The following CROT variants were observed in gnomAD, a reference collection of about 807,000 sequenced individuals.
CROT encodes carnitine O-octanoyltransferase, also known as peroxisomal carnitine O-octanoyltransferase.
CROT carries 84 observed loss-of-function variants against 89.2 expected under a neutral mutation model. That is an observed-to-expected ratio of 0.94 (90% CI 0.79 to 1.13). The LOEUF is 1.13. Ranked by LOEUF, CROT falls within the 50% of genes most tolerant of loss-of-function variation. The pLI is 0.00. For synonymous variants in CROT, 212 were observed against 239.5 expected (o/e 0.89, Z 1.06); for missense variants, 711 against 727.8 (o/e 0.98, Z 0.27).
chr7:87,346,769 C>T (rs998900557), intron 2 of CROT, among the ~76,000 whole-genome samples: 2 of 152,198 alleles, frequency 1.3e-5, no homozygotes, highest in Admixed American at 1.3e-4. Flanking sequence ...GTGTACTAGT[C>T]TTCTATTGCT....
intron 6 of CROT, among the ~76,000 whole-genome samples, chr7:87,366,715 T>C (rs922475739): frequency 1.3e-5 from 2 of 152,212 alleles, no homozygotes; most frequent in Non-Finnish European, 1.5e-5. Context: ...GGCATACACA[T>C]TCAAATCTTT....
In CROT at chr7:87,359,450, A is replaced by G. The variant is rs1283323745; in HGVS notation, c.240+120A>G. On this transcript the variant is annotated intron_variant, in intron 4 of 17. Coordinates refer to ENST00000331536, the MANE Select transcript of CROT (RefSeq NM_021151.4). ...TTACAGTTATTATTGTTATTTTCAT[A>G]ATCCAAAAGAAGGAATGAATCACTT... The G allele has an allele frequency of 2.1e-6, 3 of 1,428,958 alleles. No individual in the cohort carries two copies. In the African/African-American group the frequency reaches 4.4e-5, roughly 21 times the overall value. The allele number at this position is 1,428,958 out of a possible 1,614,324, so 88.5% of individuals were successfully genotyped here. A position where few individuals can be genotyped will look rare whatever the true frequency, so the allele number is the denominator to read the frequency against.
intron 3 of CROT, among the ~76,000 whole-genome samples, chr7:87,350,929 A>G (rs1361716829): frequency 1.3e-5 from 2 of 152,216 alleles, no homozygotes; most frequent in Non-Finnish European, 2.9e-5. Context: ...TTAGTTATCT[A>G]CAGAATAATT....
intron 7 of CROT, among the ~76,000 whole-genome samples, chr7:87,371,619 T>C (rs1806633585): frequency 6.6e-6 from 1 of 152,228 alleles, no homozygotes; most frequent in African/African-American, 2.4e-5. Context: ...CACAGTGGCA[T>C]TGTTTTTTCT....
intron 10 of CROT, among the ~76,000 whole-genome samples, chr7:87,379,167 T>C (rs189130918): frequency 6.6e-6 from 1 of 152,226 alleles, no homozygotes; most frequent in African/African-American, 2.4e-5. Flanking sequence ...CCCTTTGACC[T>C]GTCTGCTGCA....
At chr7:87,352,290 C>T (rs1485488314) in intron 3 of CROT, among the ~76,000 whole-genome samples, 1 of 152,058 alleles carries the variant, frequency 6.6e-6, no homozygotes. Flanking sequence ...TTATTTTGTC[C>T]AGTATTGATG....
chr7:87,387,367 A>T (rs1383090232), intron 13 of CROT, among the ~76,000 whole-genome samples: 1 of 150,216 alleles, frequency 6.7e-6, no homozygotes, highest in Non-Finnish European at 1.5e-5. Flanking sequence ...CTTGCTCTTT[A>T]TTTTCTAGTT....
Position 87,398,902 on chromosome 7 carries a change from T to C in CROT, c.*258T>C. 2.6e-6 allele frequency: 1 copy of C among 378,050 alleles called. No individual in the cohort carries two copies. Among genetic ancestry groups the C allele is most frequent in the South Asian group, 3.8e-5 (1 of 26,396 alleles). The allele number at this position is 378,050 out of a possible 1,614,324, so 23.4% of individuals were successfully genotyped here. ...TAGTGAATATAGAACTATGCAGTAT[T>C]TAAGCCTCAACAATCCAAATCTACA... is the stretch of plus-strand genomic sequence containing the variant. On this transcript the variant is annotated 3_prime_UTR_variant, in exon 18 of 18. Coordinates refer to ENST00000331536, the MANE Select transcript of CROT (RefSeq NM_021151.4).
intron 7 of CROT, 126 bp from the exon 8 acceptor site, chr7:87,375,506 A>G (rs927366884): frequency 1.6e-6 from 1 of 611,696 alleles, no homozygotes; most frequent in Non-Finnish European, 2.9e-6. Context: ...TATTGGCATC[A>G]TAAGTGGTTT....
chr7:87,348,204 ATTAT>A (rs1051562597), intron 2 of CROT, among the ~76,000 whole-genome samples: 7 of 151,630 alleles, frequency 4.6e-5, no homozygotes, highest in African/African-American at 1.5e-4. Flanking sequence ...AATATATTAC[ATTAT>A]TTAATATAAT....
chr7:87,392,015 A>G (rs1264405455), intron 14 of CROT, among the ~76,000 whole-genome samples: 3 of 152,180 alleles, frequency 2.0e-5, no homozygotes, highest in African/African-American at 7.2e-5. Context: ...AGAAATCCCA[A>G]GGTGCCTTTA....
intron 4 of CROT, among the ~76,000 whole-genome samples, chr7:87,360,380 G>T (rs976533128): frequency 2.6e-5 from 4 of 152,112 alleles, no homozygotes; most frequent in African/African-American, 9.7e-5. Context: ...TTGCTCTGTT[G>T]CCCAGGCTTA....
rs962449901 is a variant in CROT at position 87,368,751 on chromosome 7, A to C, written c.548-625A>C. Among the ~76,000 whole-genome samples, 5 of 152,204 alleles carry C rather than the reference A, an allele frequency of 3.3e-5. No homozygotes were observed. The East Asian group carries it at 9.6e-4, about 29-fold the overall frequency. On this transcript the variant is annotated intron_variant, in intron 6 of 17. Transcript: ENST00000331536. Reference sequence around the variant, plus strand: ...GAAGATCCTTGGCAAAAGGACAAGTACCTAAAGATGGGGTTATATCAGAAT... The same window carrying C: ...GAAGATCCTTGGCAAAAGGACAAGTCCCTAAAGATGGGGTTATATCAGAAT...
At position 87,393,063 on chromosome 7, in the gene CROT, G is replaced by A; in HGVS notation, c.1714G>A (p.Asp572Asn). The change falls in exon 17 of 18, where the codon GAC (aspartate) becomes AAC (asparagine). Residue 572 changes from aspartate to asparagine, a missense_variant. Physicochemically the swap from Asp to Asn is conservative, Grantham distance 23 (BLOSUM62 1). Coordinates refer to ENST00000331536, the MANE Select transcript of CROT (RefSeq NM_021151.4). ...GYGFFYHIRD[D>N]RFVVACSAWK... ...TGGATTTTTCTACCATATCAGAGAT[G>A]ACAGGTGAGGCTTCTCTTTTTTATT... 1 of 1,612,708 alleles carries A rather than the reference G, an allele frequency of 6.2e-7. No homozygotes were observed. The highest frequency in any genetic ancestry group is 8.5e-7 in the Non-Finnish European group (1 of 1,179,366).
chr7:87,364,925 G>T (rs1726598300), intron 6 of CROT, among the ~76,000 whole-genome samples: 1 of 152,200 alleles, frequency 6.6e-6, no homozygotes, highest in Non-Finnish European at 1.5e-5. Context: ...CACTGGGGTG[G>T]ATGATTTGAG....
chr7:87,374,611 G>A (rs1806747047), intron 7 of CROT, among the ~76,000 whole-genome samples: 1 of 152,092 alleles, frequency 6.6e-6, no homozygotes, highest in South Asian at 2.1e-4. Context: ...GGCAAAGCAA[G>A]TTGCTCTGCT....
At chr7:87,385,379 T>C (rs1398774723) in intron 13 of CROT, among the ~76,000 whole-genome samples, 1 of 152,140 alleles carries the variant, frequency 6.6e-6, no homozygotes, top group Non-Finnish European at 1.5e-5. Context: ...CAGTGTCTTA[T>C]AGTCTTCCTT....
intron 6 of CROT, among the ~76,000 whole-genome samples, chr7:87,366,028 C>A (rs1025299105): frequency 2.0e-5 from 3 of 152,204 alleles, no homozygotes. Context: ...TATCCCTTGT[C>A]AGCTGGATTC....
Position 87,361,805 on chromosome 7 carries a change from A to C in CROT, c.500A>C (p.Lys167Thr). ...TTCCGAATGCTATTTTCTACCTGCA[A>C]GGTTCCAGGAATTACTAGAGACTCC... is the stretch of plus-strand genomic sequence containing the variant. ...NQFRMLFSTCKVPGITRDSIM... is the reference protein window; with the variant it reads ...NQFRMLFSTCTVPGITRDSIM... The change falls in exon 6 of 18, where the codon AAG (lysine) becomes ACG (threonine). Residue 167 changes from lysine (K) to threonine (T), a missense_variant. Lys to Thr is a moderately conservative substitution (Grantham distance 78, BLOSUM62 -1). Coordinates refer to ENST00000331536, the MANE Select transcript of CROT (RefSeq NM_021151.4). 6.2e-7 allele frequency: 1 copy of C among 1,609,928 alleles called. No homozygotes were observed. The highest frequency in any genetic ancestry group is 1.1e-5 in the South Asian group (1 of 89,924).
Sources: gnomAD v4.1 joint callset for allele counts (sites outside exome capture counted in the v4.1 genomes callset) on GRCh38, gnomAD v4.1.1 for gene constraint, MANE v1.5 for transcripts, NCBI Gene and HGNC (gene_info 2026-07-23, HGNC 2026-07-21) for gene names.